Variants in MAP2K5 observed in about 807,000 individuals in gnomAD.
MAP2K5 encodes the protein mitogen-activated protein kinase kinase 5.
MAP2K5 carries 49 observed loss-of-function variants against 83.1 expected under a neutral mutation model. The ratio of observed to expected loss-of-function variants is 0.59; its 90% CI spans 0.47 to 0.75. The LOEUF is 0.75. MAP2K5 is among the 30% of genes least tolerant of loss of function. The pLI, the probability that MAP2K5 is intolerant of heterozygous loss-of-function variation, is 0.00. For missense variants in MAP2K5, 457 were observed against 557.5 expected, an observed-to-expected ratio of 0.82 and a Z score of 1.82; for synonymous variants, 202 against 191.8, an observed-to-expected ratio of 1.05 and a Z score of -0.44.
chr15:67,594,754 CT>C (rs72417910), intron 7 of MAP2K5, among the ~76,000 whole-genome samples: 3 of 151,232 alleles, frequency 2.0e-5, no homozygotes, highest in East Asian at 1.9e-4. Flanking sequence ...AATAATATGG[CT>C]TTTTTTTTCT....
At chr15:67,715,362 T>C (rs1403699100) in intron 16 of MAP2K5, among the ~76,000 whole-genome samples, 5 of 152,222 alleles carry the variant, frequency 3.3e-5, no homozygotes, top group Admixed American at 2.6e-4. Context: ...TGTCTCATAT[T>C]ACCATGCCTA....
At chr15:67,700,340 C>G (rs2088384017) in intron 15 of MAP2K5, among the ~76,000 whole-genome samples, 1 of 152,052 alleles carries the variant, frequency 6.6e-6, no homozygotes, top group Admixed American at 6.5e-5. Context: ...TTTTTTGTTT[C>G]ATTTTGTTTG....
intron 8 of MAP2K5, among the ~76,000 whole-genome samples, chr15:67,604,711 A>G (rs905551941): frequency 6.6e-6 from 1 of 152,086 alleles, no homozygotes; most frequent in Non-Finnish European, 1.5e-5. Context: ...CCTGGCCAAC[A>G]TAGTGAAACC....
At chr15:67,629,142 C>T in intron 8 of MAP2K5, 2 of 723,878 alleles carry the variant, frequency 2.8e-6, no homozygotes, top group South Asian at 1.4e-5. Context: ...TTAATTATTG[C>T]CAGGAAACAA....
chr15:67,738,729 A>G lies in MAP2K5; in HGVS notation c.1075-9502A>G, dbSNP rs2089402089. Among the ~76,000 whole-genome samples, 2 of 152,224 alleles carry G rather than the reference A, an allele frequency of 1.3e-5. No homozygotes were observed. Among genetic ancestry groups the G allele is most frequent in the Admixed American group, 6.5e-5 (1 of 15,290 alleles). On this transcript the variant is annotated intron_variant, in intron 17 of 21. Coordinates refer to ENST00000178640, the MANE Select transcript of MAP2K5 (RefSeq NM_145160.3). This position sits in a 1 kb window ranked among gnomAD's most constrained non-coding sequence, Gnocchi z 4.1. ...CAACCACACGAGCAGCTCTGCTTCT[A>G]TCTGGTAATTTTTAAATGCATCTAA...
chr15:67,640,114 C>T lies in MAP2K5; in HGVS notation c.586-6117C>T, dbSNP rs1254854477. 6.6e-6 allele frequency among the ~76,000 whole-genome samples: 1 copy of T among 152,168 alleles called. No homozygotes were observed. The highest frequency in any genetic ancestry group is 2.4e-5 in the African/African-American group (1 of 41,446). On this transcript the variant is annotated intron_variant, in intron 9 of 21. Transcript: ENST00000178640. This position sits in a 1 kb window ranked among gnomAD's most constrained non-coding sequence, Gnocchi z 4.6. ...TAAGTGGGGAACAGATCTTATTTAT[C>T]TTCTTGCCTTACTCCGTGATTCCTG...
At chr15:67,752,475 C>A (rs1038929962) in intron 19 of MAP2K5, among the ~76,000 whole-genome samples, 1 of 151,612 alleles carries the variant, frequency 6.6e-6, no homozygotes, top group African/African-American at 2.4e-5. Flanking sequence ...GTCAGGGGTT[C>A]GAGGCCAGCC....
chr15:67,772,889 T>C, intron 21 of MAP2K5, 137 bp downstream of exon 21: 1 of 593,882 alleles, frequency 1.7e-6, no homozygotes, highest in South Asian at 3.1e-5. Context: ...TTTGGGTAGA[T>C]GTTTTTGAAG....
At chr15:67,728,126 G>A (rs1002592456) in intron 17 of MAP2K5, among the ~76,000 whole-genome samples, 181 bp downstream of exon 17, 7 of 152,058 alleles carry the variant, frequency 4.6e-5, no homozygotes, top group African/African-American at 1.7e-4. Context: ...TTAAACTCCT[G>A]ATTTTTTCTT....
chr15:67,722,852 T>C lies in MAP2K5; in HGVS notation c.1045-5064T>C, dbSNP rs902776697. Among the ~76,000 whole-genome samples, 1 of 152,214 alleles carries C rather than the reference T, an allele frequency of 6.6e-6. No homozygotes were observed. The highest frequency in any genetic ancestry group is 1.5e-5 in the Non-Finnish European group (1 of 68,034). On this transcript the variant is annotated intron_variant, in intron 16 of 21. Coordinates refer to ENST00000178640, the MANE Select transcript of MAP2K5 (RefSeq NM_145160.3). This position sits in a 1 kb window ranked among gnomAD's most constrained non-coding sequence, Gnocchi z 4.2. ...TTGTGTAAAATGTACACAAGGTAAT[T>C]AAGAACAAATTTTAGAACATTTCAG...
Position 67,748,419 on chromosome 15 carries a change from A to T in MAP2K5, c.1102-150A>T. The T allele has an allele frequency of 1.2e-6, 1 of 823,720 alleles. No individual in the cohort carries two copies. Among genetic ancestry groups the T allele is most frequent in the Non-Finnish European group, 2.0e-6 (1 of 508,752 alleles). The allele number at this position is 823,720 out of a possible 1,614,324, so 51.0% of individuals were successfully genotyped here. Reference sequence around the variant, plus strand: ...GATTAGGTACCATTAGAAATAATAGAACCTCCTGAGCATCAATGTTTTTAT... The same window carrying T: ...GATTAGGTACCATTAGAAATAATAGTACCTCCTGAGCATCAATGTTTTTAT... On this transcript the variant is annotated intron_variant, in intron 18 of 21. Coordinates refer to ENST00000178640, the MANE Select transcript of MAP2K5 (RefSeq NM_145160.3). This position sits in a 1 kb window ranked among gnomAD's most constrained non-coding sequence, Gnocchi z 4.0.
intron 16 of MAP2K5, among the ~76,000 whole-genome samples, chr15:67,704,147 G>A (rs1316163406): frequency 1.8e-4 from 28 of 152,082 alleles, no homozygotes; most frequent in Non-Finnish European, 5.9e-5. Context: ...ACTTATATTA[G>A]AAGGACATAT....
rs2087339298 is a variant in MAP2K5 at position 67,665,029 on chromosome 15, C to CA, written c.847+385dup. Among the ~76,000 whole-genome samples the CA allele has an allele frequency of 6.6e-6, 1 of 152,140 alleles. No homozygotes were observed. The highest frequency in any genetic ancestry group is 2.4e-5 in the African/African-American group (1 of 41,444). On this transcript the variant is annotated intron_variant, in intron 13 of 21. Transcript: ENST00000178640. The surrounding 1 kb of genome is among the most constrained non-coding windows in gnomAD (Gnocchi z 4.2). The stretch of plus-strand genomic sequence containing the variant: ...CACTGTTCCTTAAGAGATTGCTTCA[C>CA]ATACTGGAAAGAAAAACTTTATTTT...
At chr15:67,701,018 G>C (rs981737034) in intron 15 of MAP2K5, among the ~76,000 whole-genome samples, 4 of 151,984 alleles carry the variant, frequency 2.6e-5, no homozygotes, top group African/African-American at 9.7e-5. Context: ...TAATAAGTGT[G>C]TTTAACCTCC....
intron 19 of MAP2K5, among the ~76,000 whole-genome samples, chr15:67,761,094 C>T (rs78003823): frequency 0.036 from 5,445 of 151,980 alleles, 285 homozygotes; most frequent in African/African-American, 0.12. Context: ...AAGTTCCTTC[C>T]TTCCTCCTGG....
In MAP2K5 at chr15:67,748,629, T is replaced by C. The variant is rs773474697; in HGVS notation, c.1134+28T>C. 1 of 1,607,428 alleles carries C rather than the reference T, an allele frequency of 6.2e-7. No individual in the cohort carries two copies. On this transcript the variant is annotated intron_variant, in intron 19 of 21. Coordinates refer to ENST00000178640, the MANE Select transcript of MAP2K5 (RefSeq NM_145160.3). This position sits in a 1 kb window ranked among gnomAD's most constrained non-coding sequence, Gnocchi z 4.0. ...GAGGCATCGTCTTATGTGCTTTCAC[T>C]CCTAAAGTCATTCCTAATGGTGTGG... is the stretch of plus-strand genomic sequence containing the variant.
intron 3 of MAP2K5, among the ~76,000 whole-genome samples, chr15:67,564,112 G>A (rs1461627817): frequency 6.6e-6 from 1 of 152,142 alleles, no homozygotes; most frequent in African/African-American, 2.4e-5. Context: ...CCCGTGGCCT[G>A]GTAGAAAGAG....
intron 17 of MAP2K5, among the ~76,000 whole-genome samples, chr15:67,737,842 G>GTTT (rs1317465757): frequency 4.5e-5 from 4 of 88,012 alleles, no homozygotes; most frequent in African/African-American, 1.2e-4. Flanking sequence ...GAATAGAATA[G>GTTT]TCTTTTTTTT....
Position 67,698,231 on chromosome 15 carries a change from C to T in MAP2K5, c.972+4663C>T, listed in dbSNP as rs930225963. Among the ~76,000 whole-genome samples, 17 of 152,034 alleles carry T rather than the reference C, an allele frequency of 1.1e-4. No homozygotes were observed. Among genetic ancestry groups the T allele is most frequent in the African/African-American group, 4.1e-4 (17 of 41,378 alleles). ...TTGAGATGAAGTCTCACCCTGTCCC[C>T]CAGGCTGGAGTGCAGTGGCGATTGC... On this transcript the variant is annotated intron_variant, in intron 15 of 21. Transcript: ENST00000178640. This position sits in a 1 kb window ranked among gnomAD's most constrained non-coding sequence, Gnocchi z 4.5.
Sources: gnomAD v4.1 joint callset for allele counts (sites outside exome capture counted in the v4.1 genomes callset) on GRCh38, gnomAD v4.1.1 for gene constraint, Gnocchi (gnomAD v3.1) non-coding constraint, MANE v1.5 for transcripts, NCBI Gene and HGNC (gene_info 2026-07-23, HGNC 2026-07-21) for gene names.